The following KCNMA1 variants were observed in gnomAD, a reference collection of about 807,000 sequenced individuals.
KCNMA1 encodes potassium calcium-activated channel subfamily M alpha 1, also known as Calcium-activated potassium channel subunit alpha-1.
KCNMA1 carries 29 observed loss-of-function variants against 140.0 expected under a neutral mutation model. The ratio of observed to expected loss-of-function variants is 0.21; its 90% CI spans 0.15 to 0.28. The LOEUF (loss-of-function observed/expected upper bound fraction) is 0.28. Ranked by LOEUF, KCNMA1 falls within the 10% of genes least tolerant of loss-of-function variation. KCNMA1 has a pLI of 1.00. For missense variants in KCNMA1, 880 were observed against 1,602.2 expected (o/e 0.55, Z 7.70); for synonymous variants, 612 against 611.9 (o/e 1.00, Z 0.00).
At chr10:77,109,722 C>A (rs1432669984) in intron 8 of KCNMA1, among the ~76,000 whole-genome samples, 3 of 152,018 alleles carry the variant, frequency 2.0e-5, no homozygotes, top group East Asian at 1.9e-4. Context: ...CAGGCCCCAG[C>A]CACAGTGTTT....
chr10:77,290,466 C>T (rs1314887360), intron 2 of KCNMA1, among the ~76,000 whole-genome samples: 2 of 152,152 alleles, frequency 1.3e-5, no homozygotes, highest in African/African-American at 4.8e-5. Context: ...CACTCCTTCC[C>T]GTGAGCCAGT....
At chr10:77,587,416 C>T (rs1340966256) in intron 1 of KCNMA1, among the ~76,000 whole-genome samples, 2 of 152,148 alleles carry the variant, frequency 1.3e-5, no homozygotes, top group Non-Finnish European at 2.9e-5. Context: ...ACAAGCTAAA[C>T]CCTTTTCTAC....
chr10:77,050,275 A>T (rs1460345485), intron 14 of KCNMA1, among the ~76,000 whole-genome samples: 1 of 139,930 alleles, frequency 7.1e-6, no homozygotes, highest in East Asian at 2.0e-4. Context: ...GATCTTTTCT[A>T]AAAAAAAAAA....
At position 76,885,247 on chromosome 10, in the gene KCNMA1, A is replaced by T; in HGVS notation, c.*2019T>A. 4.0e-6 allele frequency: 2 copies of T among 498,558 alleles called. No homozygotes were observed. The highest frequency in any genetic ancestry group is 5.2e-6 in the Non-Finnish European group (2 of 386,036). The allele number at this position is 498,558 out of a possible 1,614,324, so 30.9% of individuals were successfully genotyped here. ...TATATATAATTATATAGTTATATATATATAATTATATATAGTTTATATAAA... is the reference window on the plus strand; with the variant it reads ...TATATATAATTATATAGTTATATATTTATAATTATATATAGTTTATATAAA... On this transcript the variant is annotated 3_prime_UTR_variant, in exon 28 of 28. Coordinates refer to ENST00000286628, the MANE Select transcript of KCNMA1 (RefSeq NM_001161352.2).
At chr10:77,195,931 G>A (rs574706510) in intron 3 of KCNMA1, among the ~76,000 whole-genome samples, 25 of 152,098 alleles carry the variant, frequency 1.6e-4, no homozygotes, top group African/African-American at 4.1e-4. Flanking sequence ...CCTGGGCAAC[G>A]GAGTGAGACT....
intron 19 of KCNMA1, among the ~76,000 whole-genome samples, chr10:76,977,201 GA>G (rs1565318524): frequency 6.6e-6 from 1 of 152,184 alleles, no homozygotes. Flanking sequence ...GAGTAGGGAT[GA>G]AACCTGCCAC....
chr10:76,889,414 G>A, intron 27 of KCNMA1, 37 bp downstream of exon 27: 1 of 1,316,048 alleles, frequency 7.6e-7, no homozygotes. Context: ...ATATTTCTGT[G>A]ATTAGGTGGG....
intron 23 of KCNMA1, among the ~76,000 whole-genome samples, chr10:76,931,039 A>G (rs2059146549): frequency 6.6e-6 from 1 of 152,172 alleles, no homozygotes; most frequent in African/African-American, 2.4e-5. Flanking sequence ...ACTTGCCATT[A>G]TAGGATGAAT....
intron 5 of KCNMA1, among the ~76,000 whole-genome samples, chr10:77,126,788 C>T (rs1362185076): frequency 6.9e-6 from 1 of 144,258 alleles, no homozygotes; most frequent in Non-Finnish European, 1.5e-5. Flanking sequence ...GCTGCCTTGC[C>T]TCAATTTGGG....
chr10:77,243,443 C>A (rs1462965845), intron 3 of KCNMA1, among the ~76,000 whole-genome samples: 3 of 152,146 alleles, frequency 2.0e-5, no homozygotes, highest in South Asian at 2.1e-4. Context: ...AACTAGTGGG[C>A]TAGTGGGTCT....
At position 76,892,037 on chromosome 10, in the gene KCNMA1, T is replaced by C. The variant is rs2040315831; in HGVS notation, c.3148-318A>G. ...GGATACAAATATTGCCTCCCCCTCC[T>C]AAAGTCTACGTGACTACTATGAGAT... On this transcript the variant is annotated intron_variant, in intron 25 of 27. Coordinates refer to ENST00000286628, the MANE Select transcript of KCNMA1 (RefSeq NM_001161352.2). Among the ~76,000 whole-genome samples, 3 of 152,156 alleles carry C rather than the reference T, an allele frequency of 2.0e-5. No individual in the cohort carries two copies. The South Asian group carries it at 6.2e-4, about 31-fold the overall frequency.
intron 1 of KCNMA1, among the ~76,000 whole-genome samples, chr10:77,431,715 A>T (rs865996): frequency 7.5e-6 from 1 of 134,018 alleles, no homozygotes; most frequent in East Asian, 2.2e-4. Context: ...AAAAAAAAAA[A>T]GGCCGGGAGC....
intron 5 of KCNMA1, chr10:77,150,164 A>G (rs1035863175): frequency 2.0e-5 from 3 of 152,206 alleles, no homozygotes; most frequent in African/African-American, 7.2e-5. Context: ...AATGAACACC[A>G]TACTCGCATT....
intron 1 of KCNMA1, among the ~76,000 whole-genome samples, chr10:77,528,359 A>G (rs1035372285): frequency 3.9e-5 from 6 of 152,182 alleles, no homozygotes; most frequent in Non-Finnish European, 8.8e-5. Context: ...CTGTAATCCC[A>G]GTACTTTGGG....
rs2095013079 is a variant in KCNMA1 at position 77,375,251 on chromosome 10, C to T, written c.540+28611G>A. Among the ~76,000 whole-genome samples, 3 of 152,242 alleles carry T rather than the reference C, an allele frequency of 2.0e-5. No homozygotes were observed. In the South Asian group the frequency reaches 6.2e-4, roughly 32 times the overall value. On this transcript the variant is annotated intron_variant, in intron 2 of 27. Transcript: ENST00000286628. ...GCTGAACACCCACAATGGTCCTGCT[C>T]CTGTTGGCTCTGCCTTCAATCTCAA...
chr10:77,064,392 G>A (rs2095859038), intron 14 of KCNMA1, among the ~76,000 whole-genome samples: 1 of 152,190 alleles, frequency 6.6e-6, no homozygotes, highest in African/African-American at 2.4e-5. Context: ...AGAAGATGGG[G>A]AAAGGAGTTT....
chr10:77,047,392 C>T (rs1246503852), intron 14 of KCNMA1, among the ~76,000 whole-genome samples: 4 of 152,148 alleles, frequency 2.6e-5, no homozygotes, highest in East Asian at 1.9e-4. Flanking sequence ...AAAGACTACA[C>T]CACATGTAAA....
At chr10:77,197,972 G>C (rs11002074) in intron 3 of KCNMA1, among the ~76,000 whole-genome samples, 16,840 of 152,160 alleles carry the variant, frequency 0.11, 1,049 homozygotes, top group Non-Finnish European at 0.13. Context: ...GGAGGGGCGA[G>C]ACAGAGGGAA....
At chr10:76,873,301 A>G (rs1443216981), downstream of KCNMA1, 7 of 152,232 alleles carry the variant, frequency 4.6e-5, no homozygotes, top group East Asian at 1.9e-4. Context: ...TAAACAACCA[A>G]TATGACCAAA....
Sources: gnomAD v4.1 joint callset for allele counts (sites outside exome capture counted in the v4.1 genomes callset) on GRCh38, gnomAD v4.1.1 for gene constraint, MANE v1.5 for transcripts, NCBI Gene and HGNC (gene_info 2026-07-23, HGNC 2026-07-21) for gene names.